The following TRIP12 variants were observed in gnomAD, a reference collection of about 807,000 sequenced individuals.
TRIP12 encodes E3 ubiquitin-protein ligase TRIP12.
In TRIP12, 25 loss-of-function variants were observed where a neutral mutation model predicts 244.2. That is an observed-to-expected ratio of 0.10 (90% CI 0.07 to 0.14). The LOEUF (loss-of-function observed/expected upper bound fraction) is 0.14, where lower values mean the gene tolerates loss of function less well. TRIP12 is among the 10% of genes least tolerant of loss of function. The probability of loss-of-function intolerance (pLI) is 1.00; values close to 1 mark genes in which losing one functional copy is unlikely to be tolerated. For missense variants in TRIP12, 1,677 were observed against 2,486.4 expected (o/e 0.67, Z 6.92); for synonymous variants, 905 against 873.1 (o/e 1.04, Z -0.64).
At chr2:229,839,972 T>C (rs1022631572) in intron 5 of TRIP12, among the ~76,000 whole-genome samples, 2 of 152,246 alleles carry the variant, frequency 1.3e-5, no homozygotes, top group African/African-American at 2.4e-5. Context: ...ACACCTTTTC[T>C]TGAGCGAAAG....
chr2:229,805,936 C>A, intron 17 of TRIP12, 53 bp from the exon 18 acceptor site: 2 of 1,413,030 alleles, frequency 1.4e-6, no homozygotes, highest in Admixed American at 2.2e-5. Flanking sequence ...AATCTATTAC[C>A]TTAAGACACA....
intron 1 of TRIP12, among the ~76,000 whole-genome samples, chr2:229,891,932 A>G (rs539247260): frequency 2.0e-5 from 3 of 152,370 alleles, no homozygotes; most frequent in African/African-American, 7.2e-5. Flanking sequence ...GCAAAGGAAC[A>G]GTTAATAAGT....
intron 1 of TRIP12, among the ~76,000 whole-genome samples, chr2:229,887,884 T>A (rs1022519502): frequency 1.3e-5 from 2 of 152,220 alleles, no homozygotes; most frequent in African/African-American, 4.8e-5. Flanking sequence ...TGTTAACCTG[T>A]AGATTTAAGT....
chr2:229,845,260 TA>T (rs1256848493), intron 4 of TRIP12, among the ~76,000 whole-genome samples: 1 of 152,242 alleles, frequency 6.6e-6, no homozygotes, highest in African/African-American at 2.4e-5. Flanking sequence ...TATTTCCATT[TA>T]ATTTTGGTTG....
intron 8 of TRIP12, among the ~76,000 whole-genome samples, chr2:229,823,975 T>G (rs1231324648): frequency 1.3e-5 from 2 of 151,876 alleles, no homozygotes; most frequent in Non-Finnish European, 2.9e-5. Context: ...AAGAAGAAAC[T>G]AAGAGCACTG....
intron 1 of TRIP12, among the ~76,000 whole-genome samples, chr2:229,910,934 A>C (rs1336763113): frequency 6.6e-6 from 1 of 152,238 alleles, no homozygotes; most frequent in Non-Finnish European, 1.5e-5. Flanking sequence ...CTTAAACATC[A>C]GCCTACTTGT....
intron 24 of TRIP12, 133 bp downstream of exon 24, chr2:229,797,557 G>C (rs1481319343): frequency 1.0e-6 from 1 of 1,001,922 alleles, no homozygotes; most frequent in African/African-American, 1.6e-5. Flanking sequence ...CCAGCACCAA[G>C]GGTGTATATA....
intron 37 of TRIP12, among the ~76,000 whole-genome samples, chr2:229,775,066 T>C (rs901157728): frequency 2.0e-5 from 3 of 152,172 alleles, no homozygotes; most frequent in Non-Finnish European, 4.4e-5. Context: ...AAACTGGAAA[T>C]GCCTCCGTGT....
At chr2:229,842,401 GC>G (rs2056645821) in intron 4 of TRIP12, among the ~76,000 whole-genome samples, 2 of 152,030 alleles carry the variant, frequency 1.3e-5, no homozygotes, top group Non-Finnish European at 2.9e-5. Flanking sequence ...AATACATTTG[GC>G]TAATTAGCAT....
intron 8 of TRIP12, 138 bp downstream of exon 8, chr2:229,829,055 T>C: frequency 1.6e-6 from 1 of 623,012 alleles, no homozygotes; most frequent in African/African-American, 1.9e-5. Context: ...ATTTAAGGTG[T>C]GATTGTACAC....
chr2:229,883,741 C>T (rs1034726140), intron 1 of TRIP12, among the ~76,000 whole-genome samples: 2 of 152,130 alleles, frequency 1.3e-5, no homozygotes, highest in African/African-American at 2.4e-5. Context: ...AACAAATTCA[C>T]GACAATTTTA....
At chr2:229,772,374 G>A (rs1436657495) in intron 38 of TRIP12, among the ~76,000 whole-genome samples, 1 of 152,328 alleles carries the variant, frequency 6.6e-6, no homozygotes, top group East Asian at 1.9e-4. Flanking sequence ...CACAAAGTCA[G>A]TAGAAGAAAC....
Position 229,767,170 on chromosome 2 carries a change from G to C in TRIP12, c.*384C>G, listed in dbSNP as rs2032055094. 1 of 167,814 alleles carries C rather than the reference G, an allele frequency of 6.0e-6. No homozygotes were observed. Among genetic ancestry groups the C allele is most frequent in the Non-Finnish European group, 1.3e-5 (1 of 78,654 alleles). The allele number at this position is 167,814 out of a possible 1,614,324, so 10.4% of individuals were successfully genotyped here. ...GTACAAGAGTTGTCTTTGGAGGAAA[G>C]AAAACTGCAGACTTAGCTAGATGGA... On this transcript the variant is annotated 3_prime_UTR_variant, in exon 42 of 42. Coordinates refer to ENST00000675903, the MANE Select transcript of TRIP12 (RefSeq NM_001348323.3).
At chr2:229,849,238 C>G (rs115693116) in intron 4 of TRIP12, among the ~76,000 whole-genome samples, 56 of 152,198 alleles carry the variant, frequency 3.7e-4, no homozygotes, top group Non-Finnish European at 6.6e-4. Context: ...TCAGGAAAAG[C>G]AAAAATGTGT....
chr2:229,807,978 T>A, intron 16 of TRIP12, 114 bp from the exon 17 acceptor site: 2 of 1,191,844 alleles, frequency 1.7e-6, no homozygotes, highest in Non-Finnish European at 2.3e-6. Context: ...ACCAATTTTT[T>A]TTTTGGAGAC....
chr2:229,807,894 A>T, intron 16 of TRIP12, 30 bp from the exon 17 acceptor site: 1 of 1,587,130 alleles, frequency 6.3e-7, no homozygotes, highest in Non-Finnish European at 8.6e-7. Flanking sequence ...TAATTTTAGT[A>T]ACTTTATGAA....
At chr2:229,890,387 A>G (rs2154361379) in intron 1 of TRIP12, among the ~76,000 whole-genome samples, 1 of 152,304 alleles carries the variant, frequency 6.6e-6, no homozygotes, top group East Asian at 1.9e-4. Flanking sequence ...GGTGTGAGCC[A>G]CCACACCCAG....
intron 31 of TRIP12, among the ~76,000 whole-genome samples, chr2:229,789,350 T>C (rs1418545030): frequency 6.6e-6 from 1 of 152,234 alleles, no homozygotes; most frequent in South Asian, 2.1e-4. Context: ...CTATAATAAA[T>C]CCATGTTCAA....
intron 4 of TRIP12, among the ~76,000 whole-genome samples, chr2:229,852,364 A>AT (rs910397201): frequency 2.0e-5 from 3 of 151,710 alleles, no homozygotes; most frequent in South Asian, 2.1e-4. Context: ...ATTATTGCAA[A>AT]TTTTTTTTTA....
Sources: gnomAD v4.1 joint callset for allele counts (sites outside exome capture counted in the v4.1 genomes callset) on GRCh38, gnomAD v4.1.1 for gene constraint, MANE v1.5 for transcripts, NCBI Gene and HGNC (gene_info 2026-07-23, HGNC 2026-07-21) for gene names.